GPC6: variants seen among roughly 807,000 people sequenced by gnomAD.
GPC6 encodes the protein glypican-6.
A neutral mutation model predicts 55.2 loss-of-function variants in GPC6; 14 were observed. The observed-to-expected ratio is 0.25, with a 90% CI of 0.17 to 0.40. GPC6 has a LOEUF of 0.40. Among genes scored for constraint, GPC6 ranks in the 10% least tolerant of loss-of-function variants. The pLI, the probability that GPC6 is intolerant of heterozygous loss-of-function variation, is 1.00. For missense variants in GPC6, 641 were observed against 708.5 expected (o/e 0.90, Z 1.08); for synonymous variants, 278 against 259.6 (o/e 1.07, Z -0.68).
At chr13:93,782,918 G>A (rs1244652197) in intron 2 of GPC6, among the ~76,000 whole-genome samples, 1 of 152,106 alleles carries the variant, frequency 6.6e-6, no homozygotes, top group Non-Finnish European at 1.5e-5. Context: ...TGCCATGGTG[G>A]TTTGCTGCAC....
At chr13:93,960,713 C>T (rs1380930330) in intron 3 of GPC6, among the ~76,000 whole-genome samples, 1 of 151,990 alleles carries the variant, frequency 6.6e-6, no homozygotes, top group Non-Finnish European at 1.5e-5. Flanking sequence ...GCCTTAGACT[C>T]CTAGGTCTCT....
At chr13:93,406,430 CT>C (rs1876292760) in intron 1 of GPC6, among the ~76,000 whole-genome samples, 3 of 152,136 alleles carry the variant, frequency 2.0e-5, no homozygotes, top group Non-Finnish European at 4.4e-5. Flanking sequence ...AACCCAGCAT[CT>C]TTTCTGTCCC....
intron 4 of GPC6, among the ~76,000 whole-genome samples, chr13:94,252,554 A>G (rs1891385352): frequency 6.6e-6 from 1 of 152,130 alleles, no homozygotes; most frequent in Non-Finnish European, 1.5e-5. Flanking sequence ...TTGATGGCGA[A>G]ATAAGACACA....
In GPC6 at chr13:93,284,549, C is replaced by T. The variant is rs73554213; in HGVS notation, c.160+56933C>T. ...TAGGAGACACTGTTTGATATGAGCC[C>T]TTGTATTTCATATATTTGTCAGATT... is the stretch of plus-strand genomic sequence containing the variant. On this transcript the variant is annotated intron_variant, in intron 1 of 8. Coordinates refer to ENST00000377047, the MANE Select transcript of GPC6 (RefSeq NM_005708.5). Among the ~76,000 whole-genome samples the T allele has an allele frequency of 5.4e-3, 828 of 152,216 alleles. 4 individuals are homozygous for T. Among genetic ancestry groups the T allele is most frequent in the African/African-American group, 0.017 (688 of 41,530 alleles).
chr13:94,037,956 T>G (rs568712695), intron 4 of GPC6, among the ~76,000 whole-genome samples: 13 of 151,974 alleles, frequency 8.6e-5, no homozygotes, highest in Non-Finnish European at 1.6e-4. Context: ...GCAACTCAAT[T>G]TTTCATTTTA....
At chr13:93,868,177 C>T (rs2139034464) in intron 3 of GPC6, among the ~76,000 whole-genome samples, 1 of 151,824 alleles carries the variant, frequency 6.6e-6, no homozygotes, top group South Asian at 2.1e-4. Context: ...TCCCATGGTG[C>T]CCGCTTGTCA....
intron 4 of GPC6, among the ~76,000 whole-genome samples, chr13:94,047,338 C>T (rs939438775): frequency 3.9e-5 from 6 of 152,028 alleles, no homozygotes; most frequent in African/African-American, 1.4e-4. Context: ...AGCCTTTACT[C>T]AATGCCGGTT....
At chr13:93,314,655 G>A (rs1879180824) in intron 1 of GPC6, among the ~76,000 whole-genome samples, 1 of 151,878 alleles carries the variant, frequency 6.6e-6, no homozygotes, top group Admixed American at 6.6e-5. Flanking sequence ...AGCAGAGAAT[G>A]CAAGAGAATG....
At chr13:93,483,654 G>A (rs1254896034) in intron 1 of GPC6, among the ~76,000 whole-genome samples, 2 of 152,056 alleles carry the variant, frequency 1.3e-5, no homozygotes, top group African/African-American at 2.4e-5. Context: ...TGTTTGTAGT[G>A]TAATTTAGTA....
intron 3 of GPC6, among the ~76,000 whole-genome samples, chr13:93,947,492 G>A (rs12868640): frequency 1.3e-5 from 2 of 152,112 alleles, no homozygotes; most frequent in Non-Finnish European, 2.9e-5. Flanking sequence ...GGATAGATAC[G>A]CAATATGCAA....
At chr13:94,072,672 T>G (rs1340477970) in intron 4 of GPC6, among the ~76,000 whole-genome samples, 1 of 152,338 alleles carries the variant, frequency 6.6e-6, no homozygotes. Flanking sequence ...TATAGACTTA[T>G]TCTCTACCTT....
intron 3 of GPC6, among the ~76,000 whole-genome samples, chr13:93,931,115 C>T (rs1594597683): frequency 6.6e-6 from 1 of 152,150 alleles, no homozygotes; most frequent in Admixed American, 6.5e-5. Flanking sequence ...CCCACCAGGC[C>T]CCACCTCTAA....
At chr13:94,175,986 A>AGAGAGAGAGAGAGAGAGAGAGC (rs1555304128) in intron 4 of GPC6, among the ~76,000 whole-genome samples, 5 of 131,202 alleles carry the variant, frequency 3.8e-5, no homozygotes, top group South Asian at 2.6e-4. Flanking sequence ...AGAGAGAGAG[A>AGAGAGAGAGAGAGAGAGAGAGC]GAGAGAGCGA....
intron 4 of GPC6, among the ~76,000 whole-genome samples, chr13:94,087,257 G>C (rs1466550273): frequency 6.6e-6 from 1 of 152,202 alleles, no homozygotes. Context: ...AGAGGGCGGA[G>C]ACCTGCAAGC....
intron 2 of GPC6, among the ~76,000 whole-genome samples, chr13:93,675,382 A>C (rs2139633713): frequency 6.6e-6 from 1 of 152,120 alleles, no homozygotes; most frequent in South Asian, 2.1e-4. Flanking sequence ...GTGTTGATCA[A>C]GATTCAGAGG....
intron 4 of GPC6, among the ~76,000 whole-genome samples, chr13:94,138,286 A>G (rs754906956): frequency 2.2e-4 from 34 of 152,210 alleles, no homozygotes; most frequent in Non-Finnish European, 3.7e-4. Context: ...AGCACTTCAG[A>G]TAAGGGATAT....
At chr13:93,584,248 G>C (rs1456780213) in intron 2 of GPC6, among the ~76,000 whole-genome samples, 4 of 152,140 alleles carry the variant, frequency 2.6e-5, no homozygotes, top group Non-Finnish European at 5.9e-5. Context: ...TTTGGGGTGG[G>C]TGACTAATAA....
chr13:94,402,858 T>A (rs1486928342), intron 8 of GPC6, among the ~76,000 whole-genome samples, 157 bp from the exon 9 acceptor site: 1 of 152,108 alleles, frequency 6.6e-6, no homozygotes, highest in Non-Finnish European at 1.5e-5. Flanking sequence ...GAGAACAGGA[T>A]GGGGGAAACC....
intron 2 of GPC6, among the ~76,000 whole-genome samples, chr13:93,812,365 G>A (rs986423025): frequency 2.0e-5 from 3 of 151,358 alleles, no homozygotes; most frequent in African/African-American, 4.9e-5. Flanking sequence ...CAGCCTGGGT[G>A]ACAGAGCAAG....
Sources: allele counts gnomAD v4.1 joint callset (sites outside exome capture counted in the v4.1 genomes callset), GRCh38; gene constraint gnomAD v4.1.1; transcripts MANE v1.5; gene names NCBI Gene and HGNC (gene_info 2026-07-23, HGNC 2026-07-21).